INPP4B: variants seen among roughly 807,000 people sequenced by gnomAD.
INPP4B encodes inositol polyphosphate-4-phosphatase type II B.
In INPP4B, 55 loss-of-function variants were observed where a neutral mutation model predicts 122.5. The observed-to-expected ratio is 0.45, with a 90% CI of 0.36 to 0.56. INPP4B has a LOEUF of 0.56. Among genes scored for constraint, INPP4B ranks in the 20% least tolerant of loss-of-function variants. The probability of loss-of-function intolerance (pLI) is 0.00; values close to 1 mark genes in which losing one functional copy is unlikely to be tolerated. For missense variants in INPP4B, 1,000 were observed against 1,097.7 expected, an observed-to-expected ratio of 0.91 and a Z score of 1.26; for synonymous variants, 403 against 388.7, an observed-to-expected ratio of 1.04 and a Z score of -0.43.
intron 19 of INPP4B, 75 bp from the exon 20 acceptor site, chr4:142,123,490 T>G: frequency 2.1e-6 from 3 of 1,425,482 alleles, no homozygotes; most frequent in Non-Finnish European, 2.9e-6. Flanking sequence ...TTTTAAGACT[T>G]CTGAGGCATC....
At chr4:142,313,963 C>T (rs938280548) in intron 8 of INPP4B, among the ~76,000 whole-genome samples, 13 of 152,178 alleles carry the variant, frequency 8.5e-5, no homozygotes, top group Non-Finnish European at 4.4e-5. Context: ...CAGTGCCCTA[C>T]ACACTGACTG....
At chr4:142,231,632 A>G (rs576788360) in intron 12 of INPP4B, among the ~76,000 whole-genome samples, 210 of 152,328 alleles carry the variant, frequency 1.4e-3, no homozygotes, top group Non-Finnish European at 2.6e-3. Context: ...AATTCAAGAA[A>G]TCTTTATCTG....
intron 1 of INPP4B, among the ~76,000 whole-genome samples, chr4:142,843,998 T>C (rs1394053946): frequency 6.6e-6 from 1 of 152,166 alleles, no homozygotes; most frequent in Non-Finnish European, 1.5e-5. Flanking sequence ...AACTAAAATA[T>C]AATAGCATTA....
intron 2 of INPP4B, among the ~76,000 whole-genome samples, chr4:142,643,835 G>C (rs376494966): frequency 1.8e-4 from 28 of 152,152 alleles, no homozygotes; most frequent in African/African-American, 6.7e-4. Context: ...TTTTCCATTC[G>C]GAATCACACC....
chr4:142,631,732 C>A (rs1354256941), intron 2 of INPP4B, among the ~76,000 whole-genome samples: 1 of 152,100 alleles, frequency 6.6e-6, no homozygotes, highest in Non-Finnish European at 1.5e-5. Context: ...ATTACTCTGT[C>A]AGCTAATCTA....
At chr4:142,684,514 T>C (rs770883801) in intron 2 of INPP4B, among the ~76,000 whole-genome samples, 36 of 151,928 alleles carry the variant, frequency 2.4e-4, no homozygotes, top group Non-Finnish European at 5.3e-4. Flanking sequence ...ACCCACTCCC[T>C]CCTACTTAGG....
intron 2 of INPP4B, among the ~76,000 whole-genome samples, chr4:142,499,210 G>A (rs1040766717): frequency 6.6e-6 from 1 of 152,122 alleles, no homozygotes; most frequent in Non-Finnish European, 1.5e-5. Context: ...CTAGGGAGCT[G>A]AAACTGAGTT....
chr4:142,246,714 T>C (rs1478661149), intron 11 of INPP4B, among the ~76,000 whole-genome samples: 1 of 152,204 alleles, frequency 6.6e-6, no homozygotes, highest in Non-Finnish European at 1.5e-5. Context: ...GATGGGGTTT[T>C]CTAAATATAG....
chr4:142,830,986 C>A (rs1035322630), intron 1 of INPP4B, among the ~76,000 whole-genome samples: 2 of 151,732 alleles, frequency 1.3e-5, no homozygotes, highest in African/African-American at 2.4e-5. Context: ...CACACCACTG[C>A]ACTCCAGCCT....
chr4:142,235,269 A>G (rs1856191683), intron 12 of INPP4B, among the ~76,000 whole-genome samples: 1 of 151,968 alleles, frequency 6.6e-6, no homozygotes, highest in African/African-American at 2.4e-5. Flanking sequence ...TTGAATTTTT[A>G]AATGAAGTGG....
chr4:142,737,551 G>A (rs1410071099), intron 1 of INPP4B, among the ~76,000 whole-genome samples: 1 of 152,084 alleles, frequency 6.6e-6, no homozygotes, highest in Non-Finnish European at 1.5e-5. Flanking sequence ...CATAGGCATG[G>A]GCAAGGACTT....
chr4:142,772,040 T>G (rs779168486), intron 1 of INPP4B, among the ~76,000 whole-genome samples: 1 of 152,136 alleles, frequency 6.6e-6, no homozygotes, highest in African/African-American at 2.4e-5. Context: ...TCTCTGATCA[T>G]GTTAAGTTTG....
intron 2 of INPP4B, among the ~76,000 whole-genome samples, chr4:142,622,361 C>A (rs746239509): frequency 1.3e-5 from 2 of 151,708 alleles, no homozygotes; most frequent in Non-Finnish European, 1.5e-5. Context: ...TAACCTCTCT[C>A]CAGGGTCCTG....
intron 7 of INPP4B, among the ~76,000 whole-genome samples, chr4:142,334,312 A>G (rs748983255): frequency 3.3e-5 from 5 of 152,208 alleles, no homozygotes; most frequent in Non-Finnish European, 7.3e-5. Context: ...ATATGTGTAT[A>G]TAGCTCTCTC....
intron 23 of INPP4B, among the ~76,000 whole-genome samples, chr4:142,089,801 T>C (rs1002261799): frequency 1.3e-5 from 2 of 152,188 alleles, no homozygotes; most frequent in Non-Finnish European, 2.9e-5. Context: ...ACACACCACA[T>C]TTATTTAACA....
chr4:142,517,320 G>A (rs766758656), intron 2 of INPP4B, among the ~76,000 whole-genome samples: 6 of 152,164 alleles, frequency 3.9e-5, no homozygotes, highest in South Asian at 4.2e-4. Flanking sequence ...CAGTAACAGA[G>A]TTATTCATGT....
intron 2 of INPP4B, among the ~76,000 whole-genome samples, chr4:142,532,570 T>G (rs527764378): frequency 3.4e-4 from 52 of 152,110 alleles, no homozygotes; most frequent in Non-Finnish European, 7.1e-4. Flanking sequence ...GCTGCCTCCC[T>G]CACTACTGGC....
At chr4:142,368,881 A>G (rs916808809) in intron 7 of INPP4B, among the ~76,000 whole-genome samples, 1 of 152,072 alleles carries the variant, frequency 6.6e-6, no homozygotes, top group East Asian at 1.9e-4. Flanking sequence ...CAGGATTCCA[A>G]GTGAGTGTGG....
rs532923586 is a variant in INPP4B, at chr4:142,319,254, T to C, written c.373-4492A>G. Among the ~76,000 whole-genome samples, 3 of 152,058 alleles carry C rather than the reference T, an allele frequency of 2.0e-5. No individual in the cohort carries two copies. The East Asian group carries it at 5.8e-4, about 29-fold the overall frequency. On this transcript the variant is annotated intron_variant, in intron 7 of 25. Coordinates refer to ENST00000262992, the MANE Select transcript of INPP4B (RefSeq NM_001101669.3). ...TGGCAGGCAGAGGGAAAGACATTGG[T>C]TATAGTGGAGGAACACCTCTCGGCA...
Sources: allele counts gnomAD v4.1 joint callset (sites outside exome capture counted in the v4.1 genomes callset), GRCh38; gene constraint gnomAD v4.1.1; transcripts MANE v1.5; gene names NCBI Gene and HGNC (gene_info 2026-07-23, HGNC 2026-07-21).